Variants in EDIL3 observed in about 807,000 individuals in gnomAD.
The protein encoded by EDIL3 is EGF like and discoidin domains 3.
In EDIL3, 37 loss-of-function variants were observed where a neutral mutation model predicts 67.4. The ratio of observed to expected loss-of-function variants is 0.55; its 90% confidence interval spans 0.42 to 0.72. EDIL3 has a LOEUF of 0.72. Ranked by LOEUF, EDIL3 falls within the 30% of genes least tolerant of loss-of-function variation. EDIL3 has a pLI of 0.00. For missense variants in EDIL3, 527 were observed against 586.3 expected (o/e 0.90, Z 1.04); for synonymous variants, 195 against 196.3 (o/e 0.99, Z 0.05).
intron 1 of EDIL3, among the ~76,000 whole-genome samples, chr5:84,281,084 C>T (rs923852372): frequency 4.0e-5 from 6 of 151,890 alleles, no homozygotes; most frequent in African/African-American, 9.7e-5. Flanking sequence ...CAATAAATGA[C>T]CATTATTATT....
rs191239668 is a variant in EDIL3 at position 84,215,430 on chromosome 5, T to G, written c.226+14425A>C. On this transcript the variant is annotated intron_variant, in intron 3 of 10. Coordinates refer to ENST00000296591, the MANE Select transcript of EDIL3 (RefSeq NM_005711.5). ...CACCACACCTGGCTAATTTTTTGTATTTTAGTAGAGATGGGGCTTCACTGT... is the reference window on the plus strand; with the variant it reads ...CACCACACCTGGCTAATTTTTTGTAGTTTAGTAGAGATGGGGCTTCACTGT... Among the ~76,000 whole-genome samples, 504 of 152,106 alleles carry G rather than the reference T, an allele frequency of 3.3e-3. 2 individuals are homozygous for G. Among genetic ancestry groups the G allele is most frequent in the African/African-American group, 0.012 (488 of 41,508 alleles).
chr5:84,125,604 G>A (rs1030275568), intron 5 of EDIL3, among the ~76,000 whole-genome samples: 4 of 151,958 alleles, frequency 2.6e-5, no homozygotes, highest in African/African-American at 9.7e-5. Flanking sequence ...TTGATGATTT[G>A]AAACTGATGT....
chr5:84,131,103 T>A (rs1324943212), intron 5 of EDIL3, among the ~76,000 whole-genome samples: 3 of 151,102 alleles, frequency 2.0e-5, no homozygotes, highest in African/African-American at 4.9e-5. Flanking sequence ...TATACAGGTA[T>A]TTTTTTTTCA....
At chr5:84,212,043 C>T (rs1189836637) in intron 3 of EDIL3, among the ~76,000 whole-genome samples, 1 of 152,170 alleles carries the variant, frequency 6.6e-6, no homozygotes, top group Non-Finnish European at 1.5e-5. Context: ...CTCTCTCTCT[C>T]TCCACCCCCA....
intron 10 of EDIL3, among the ~76,000 whole-genome samples, chr5:83,956,038 C>A (rs1744508517): frequency 6.6e-6 from 1 of 151,780 alleles, no homozygotes; most frequent in Non-Finnish European, 1.5e-5. Flanking sequence ...CTCCTTCAGA[C>A]AGAATGGCTT....
At chr5:84,220,364 G>A (rs1744318178) in intron 3 of EDIL3, among the ~76,000 whole-genome samples, 1 of 152,074 alleles carries the variant, frequency 6.6e-6, no homozygotes, top group South Asian at 2.1e-4. Context: ...AAAGGCTATG[G>A]GGTAGTTGGG....
intron 6 of EDIL3, among the ~76,000 whole-genome samples, chr5:84,086,318 T>C (rs547370865): frequency 6.6e-6 from 1 of 152,312 alleles, no homozygotes; most frequent in African/African-American, 2.4e-5. Context: ...AATCTCCTGA[T>C]CTGCGGATTG....
Position 84,242,955 on chromosome 5 carries a change from C to T in EDIL3, c.196+11129G>A, listed in dbSNP as rs577303528. ...CAAAATTGTAGGTTTAACACCTGTTCTTCCACTGAGCAGGAATCAATGACC... is the reference window on the plus strand; with the variant it reads ...CAAAATTGTAGGTTTAACACCTGTTTTTCCACTGAGCAGGAATCAATGACC... On this transcript the variant is annotated intron_variant, in intron 2 of 10. Transcript: ENST00000296591. Among the ~76,000 whole-genome samples, 6 of 152,212 alleles carry T rather than the reference C, an allele frequency of 3.9e-5. No homozygotes were observed. In the South Asian group the frequency reaches 1.2e-3, roughly 32 times the overall value.
intron 9 of EDIL3, among the ~76,000 whole-genome samples, chr5:84,044,153 C>A (rs545516990): frequency 2.6e-5 from 4 of 151,934 alleles, no homozygotes; most frequent in African/African-American, 9.7e-5. Context: ...TGAGAATATG[C>A]GGTGTTTGGT....
chr5:84,042,669 G>C (rs1261935027), intron 9 of EDIL3, among the ~76,000 whole-genome samples: 3 of 151,982 alleles, frequency 2.0e-5, no homozygotes, highest in African/African-American at 7.3e-5. Flanking sequence ...TTATTTAGAG[G>C]ACACAAAGCA....
chr5:84,119,224 T>G (rs1411779895), intron 5 of EDIL3, among the ~76,000 whole-genome samples: 2 of 147,184 alleles, frequency 1.4e-5, no homozygotes, highest in Non-Finnish European at 3.0e-5. Context: ...TTTTTTTTTT[T>G]TTTTTTTTTT....
intron 3 of EDIL3, among the ~76,000 whole-genome samples, chr5:84,210,442 A>T (rs998143602): frequency 2.0e-5 from 3 of 152,134 alleles, no homozygotes; most frequent in Non-Finnish European, 2.9e-5. Context: ...GTATAACATC[A>T]AGTAATTATA....
intron 4 of EDIL3, among the ~76,000 whole-genome samples, chr5:84,152,006 T>C (rs1026795455): frequency 2.0e-5 from 3 of 151,572 alleles, no homozygotes; most frequent in Non-Finnish European, 4.4e-5. Context: ...CTCCGCCTCC[T>C]GGGTCCCGGT....
intron 1 of EDIL3, among the ~76,000 whole-genome samples, chr5:84,340,894 G>C (rs1230501256): frequency 6.6e-6 from 1 of 151,512 alleles, no homozygotes; most frequent in Non-Finnish European, 1.5e-5. Context: ...TCCTGCCACA[G>C]GGCTTTGTTG....
chr5:84,165,618 A>G (rs1344255652), intron 4 of EDIL3, among the ~76,000 whole-genome samples: 1 of 152,148 alleles, frequency 6.6e-6, no homozygotes, highest in Non-Finnish European at 1.5e-5. Flanking sequence ...TGACTCCAAC[A>G]AAAACAGTGT....
intron 3 of EDIL3, among the ~76,000 whole-genome samples, chr5:84,183,046 TTCTCC>T (rs1749042747): frequency 6.6e-6 from 1 of 152,182 alleles, no homozygotes; most frequent in African/African-American, 2.4e-5. Flanking sequence ...CTATCTCTCC[TTCTCC>T]TCTCTCTGTT....
chr5:84,160,143 G>GT (rs1748577642), intron 4 of EDIL3, among the ~76,000 whole-genome samples: 1 of 152,016 alleles, frequency 6.6e-6, no homozygotes, highest in African/African-American at 2.4e-5. Flanking sequence ...CTTTGTACTG[G>GT]TTTTTTTGAC....
At chr5:84,208,433 A>C (rs1744034034) in intron 3 of EDIL3, among the ~76,000 whole-genome samples, 1 of 151,722 alleles carries the variant, frequency 6.6e-6, no homozygotes. Context: ...TAATCCCAGC[A>C]CTTTGGGAGG....
Position 84,188,210 on chromosome 5 carries a change from A to T in EDIL3, c.227-7689T>A, listed in dbSNP as rs527912746. Among the ~76,000 whole-genome samples, 13 of 152,152 alleles carry T rather than the reference A, an allele frequency of 8.5e-5. No homozygotes were observed. The East Asian group carries it at 2.3e-3, about 27-fold the overall frequency. ...GCTTTAGAGGTCTTTGTCCTTGTTT[A>T]CATTCCCAGGCTAATGTAAAAATAT... On this transcript the variant is annotated intron_variant, in intron 3 of 10. Transcript: ENST00000296591.
Sources: gnomAD v4.1 joint callset for allele counts (sites outside exome capture counted in the v4.1 genomes callset) on GRCh38, gnomAD v4.1.1 for gene constraint, MANE v1.5 for transcripts, NCBI Gene and HGNC (gene_info 2026-07-23, HGNC 2026-07-21) for gene names.